The following ZNF804B variants were observed in gnomAD, a reference collection of about 807,000 sequenced individuals.
ZNF804B encodes zinc finger protein 804B, also known as zinc finger 804B.
ZNF804B carries 80 observed loss-of-function variants against 101.4 expected under a neutral mutation model. The observed-to-expected ratio is 0.79, with a 90% confidence interval of 0.66 to 0.95. The LOEUF (loss-of-function observed/expected upper bound fraction) is 0.95, where lower values mean the gene tolerates loss of function less well. ZNF804B is among the 40% of genes least tolerant of loss of function. ZNF804B has a pLI of 0.00. For missense variants in ZNF804B, 1,673 were observed against 1,561.9 expected, an observed-to-expected ratio of 1.07 and a Z score of -1.20; for synonymous variants, 622 against 558.8, an observed-to-expected ratio of 1.11 and a Z score of -1.59.
At chr7:88,859,537 TTCTC>T (rs1791618460) in intron 1 of ZNF804B, among the ~76,000 whole-genome samples, 1 of 152,146 alleles carries the variant, frequency 6.6e-6, no homozygotes, top group Non-Finnish European at 1.5e-5. Context: ...TTCTCTTTAA[TTCTC>T]TCTTTCATTA....
chr7:89,255,719 G>A (rs929411039), intron 2 of ZNF804B, among the ~76,000 whole-genome samples: 2 of 151,942 alleles, frequency 1.3e-5, no homozygotes, highest in Non-Finnish European at 2.9e-5. Context: ...ATAGCCTAAG[G>A]AAAACGATAA....
At chr7:89,222,387 A>G (rs13242412) in intron 2 of ZNF804B, among the ~76,000 whole-genome samples, 34,226 of 151,834 alleles carry the variant, frequency 0.23, 4,243 homozygotes, top group Non-Finnish European at 0.27. Context: ...CACCTCCAGT[A>G]TTTTTCCTGT....
intron 1 of ZNF804B, among the ~76,000 whole-genome samples, chr7:89,143,318 T>G (rs1000872715): frequency 2.6e-5 from 4 of 151,906 alleles, no homozygotes; most frequent in Non-Finnish European, 5.9e-5. Flanking sequence ...ACACAGATTT[T>G]ATTACAAACT....
intron 1 of ZNF804B, among the ~76,000 whole-genome samples, chr7:88,972,934 G>A (rs547257289): frequency 6.6e-6 from 1 of 151,482 alleles, no homozygotes; most frequent in Non-Finnish European, 1.5e-5. Flanking sequence ...CAAGGCCTTA[G>A]TATGGGATTC....
intron 1 of ZNF804B, among the ~76,000 whole-genome samples, chr7:89,135,565 T>A (rs1460147187): frequency 6.6e-6 from 1 of 152,084 alleles, no homozygotes; most frequent in Admixed American, 6.6e-5. Flanking sequence ...TGTTAGGTTG[T>A]AAATTTTTTT....
chr7:88,772,635 T>C (rs975634429), intron 1 of ZNF804B, among the ~76,000 whole-genome samples: 3 of 152,330 alleles, frequency 2.0e-5, no homozygotes, highest in Non-Finnish European at 4.4e-5. Context: ...CATGAAGTTC[T>C]AAATTCTTCA....
intron 1 of ZNF804B, among the ~76,000 whole-genome samples, chr7:89,006,597 T>G (rs1332480258): frequency 6.6e-6 from 1 of 152,052 alleles, no homozygotes; most frequent in Non-Finnish European, 1.5e-5. Flanking sequence ...ATTTAAAGTA[T>G]AGCACAATTG....
chr7:89,266,446 A>G (rs991577903), intron 2 of ZNF804B, among the ~76,000 whole-genome samples: 9 of 152,160 alleles, frequency 5.9e-5, no homozygotes, highest in Non-Finnish European at 2.9e-5. Flanking sequence ...CTAGGTAGGA[A>G]CTATAGGAGG....
intron 1 of ZNF804B, among the ~76,000 whole-genome samples, chr7:89,087,908 T>C (rs1342854585): frequency 6.6e-6 from 1 of 151,664 alleles, no homozygotes; most frequent in African/African-American, 2.4e-5. Context: ...AATTAGAAAA[T>C]CTCTGGAAAT....
At chr7:89,108,056 A>C (rs994141936) in intron 1 of ZNF804B, among the ~76,000 whole-genome samples, 2 of 152,146 alleles carry the variant, frequency 1.3e-5, no homozygotes, top group African/African-American at 4.8e-5. Context: ...CACAGAGGGA[A>C]GAGAAAGCAA....
chr7:88,937,126 A>AT (rs1009238823), intron 1 of ZNF804B, among the ~76,000 whole-genome samples: 6 of 151,234 alleles, frequency 4.0e-5, no homozygotes, highest in African/African-American at 1.5e-4. Flanking sequence ...AAAAAAAAAA[A>AT]AAAAAAAGTA....
intron 1 of ZNF804B, among the ~76,000 whole-genome samples, chr7:88,789,048 A>T (rs1378861058): frequency 1.2e-4 from 19 of 152,150 alleles, no homozygotes; most frequent in Admixed American, 1.1e-3. Context: ...ATATAGAAAC[A>T]TACTAGCAAA....
Position 88,759,882 on chromosome 7 carries a change from G to A in ZNF804B, c.-95G>A, listed in dbSNP as rs1383468821. 1.0e-6 allele frequency: 1 copy of A among 974,120 alleles called. No individual in the cohort carries two copies. The highest frequency in any genetic ancestry group is 1.6e-6 in the Non-Finnish European group (1 of 613,436). The allele number at this position is 974,120 out of a possible 1,614,324, so 60.3% of individuals were successfully genotyped here. On this transcript the variant is annotated 5_prime_UTR_variant, in exon 1 of 4. Coordinates refer to ENST00000333190, the MANE Select transcript of ZNF804B (RefSeq NM_181646.5). Reference sequence around the variant, plus strand: ...TCCTGCTGGCCGCGTCTTCTCGGGAGGTGGTAGTCGCTGTTGCCGCTGAGA... The same window carrying A: ...TCCTGCTGGCCGCGTCTTCTCGGGAAGTGGTAGTCGCTGTTGCCGCTGAGA...
At chr7:89,225,534 A>T (rs968214054) in intron 2 of ZNF804B, among the ~76,000 whole-genome samples, 9 of 152,218 alleles carry the variant, frequency 5.9e-5, no homozygotes, top group Non-Finnish European at 1.2e-4. Context: ...GATTTTTTTT[A>T]AATGAAAAAG....
At chr7:88,886,449 A>G (rs1255516822) in intron 1 of ZNF804B, among the ~76,000 whole-genome samples, 4 of 152,180 alleles carry the variant, frequency 2.6e-5, no homozygotes, top group African/African-American at 9.6e-5. Context: ...GTTTAAAAAC[A>G]TATTTTTGCA....
At chr7:88,838,976 A>G (rs1187717405) in intron 1 of ZNF804B, among the ~76,000 whole-genome samples, 1 of 152,050 alleles carries the variant, frequency 6.6e-6, no homozygotes, top group East Asian at 1.9e-4. Flanking sequence ...TTCAGTTACT[A>G]ATACATGTAA....
chr7:88,818,151 A>T (rs971065027), intron 1 of ZNF804B, among the ~76,000 whole-genome samples: 1 of 152,154 alleles, frequency 6.6e-6, no homozygotes, highest in Non-Finnish European at 1.5e-5. Flanking sequence ...AAAACAGCAA[A>T]ATCTATAATA....
chr7:88,940,060 G>T lies in ZNF804B; in HGVS notation c.108+179976G>T, dbSNP rs1229753572. Among the ~76,000 whole-genome samples, 4 of 151,970 alleles carry T rather than the reference G, an allele frequency of 2.6e-5. No individual in the cohort carries two copies. The South Asian group carries it at 6.2e-4, about 24-fold the overall frequency. On this transcript the variant is annotated intron_variant, in intron 1 of 3. Transcript: ENST00000333190. Reference sequence around the variant, plus strand: ...CTTAAATTAATTCATGTATTTGAAAGAACTCTTTATTCTTTTTAAGTGTTC... The same window carrying T: ...CTTAAATTAATTCATGTATTTGAAATAACTCTTTATTCTTTTTAAGTGTTC...
intron 1 of ZNF804B, among the ~76,000 whole-genome samples, chr7:89,113,927 A>C (rs1790262365): frequency 6.6e-6 from 1 of 151,692 alleles, no homozygotes; most frequent in South Asian, 2.1e-4. Context: ...CCAGCCATAA[A>C]AAAAAAAAAG....
Sources: allele counts gnomAD v4.1 joint callset (sites outside exome capture counted in the v4.1 genomes callset), GRCh38; gene constraint gnomAD v4.1.1; transcripts MANE v1.5; gene names NCBI Gene and HGNC (gene_info 2026-07-23, HGNC 2026-07-21).